Variants in PRRC2B observed in about 807,000 individuals in gnomAD.
PRRC2B encodes proline rich coiled-coil 2B.
Under a neutral mutation model 242.3 loss-of-function variants are expected in PRRC2B, and 68 were observed. The ratio of observed to expected loss-of-function variants is 0.28; its 90% CI spans 0.23 to 0.34. The LOEUF (loss-of-function observed/expected upper bound fraction) is 0.34, where lower values mean the gene tolerates loss of function less well. Ranked by LOEUF, PRRC2B falls within the 10% of genes least tolerant of loss-of-function variation. PRRC2B has a pLI of 1.00. For synonymous variants in PRRC2B, 1,228 were observed against 1,173.6 expected, an observed-to-expected ratio of 1.05 and a Z score of -0.95; for missense variants, 2,835 against 2,954.8, an observed-to-expected ratio of 0.96 and a Z score of 0.94.
chr9:131,430,581 GTGTGTGTGTGTGTGTA>G (rs1227181062), intron 2 of PRRC2B, among the ~76,000 whole-genome samples: 63 of 135,304 alleles, frequency 4.7e-4, no homozygotes, highest in African/African-American at 1.8e-3. Flanking sequence ...GTGTGTGTGT[GTGTGTGTGTGTGTGTA>G]TATATATGTT....
At chr9:131,402,403 T>G (rs1564274156) in intron 1 of PRRC2B, among the ~76,000 whole-genome samples, 1 of 152,240 alleles carries the variant, frequency 6.6e-6, no homozygotes, top group Non-Finnish European at 1.5e-5. Context: ...GGTTCATCCA[T>G]GTTGCAGCAT....
In PRRC2B at chr9:131,464,861, G is replaced by C; in HGVS notation, c.1503G>C (p.Glu501Asp). Residue 501 changes from glutamate (E) to aspartate (D), a missense_variant, in exon 12 of 32, where the codon GAG becomes GAC. Glu to Asp is a conservative substitution (Grantham distance 45). Transcript: ENST00000683519. ...AGTTCATTCAGTCAGAGATGTCCGA[G>C]GCGGTGGAGCGAGCCCGAAAGCGCC... ...RQKFIQSEMS[E>D]AVERARKRRE... 1 of 1,613,916 alleles carries C rather than the reference G, an allele frequency of 6.2e-7. No homozygotes were observed.
chr9:131,470,377 C>A (rs932300231), intron 13 of PRRC2B, among the ~76,000 whole-genome samples: 1 of 152,056 alleles, frequency 6.6e-6, no homozygotes, highest in Admixed American at 6.6e-5. Flanking sequence ...ATTGAAGAGG[C>A]CTGGAGGGAG....
At chr9:131,491,713 C>G in intron 29 of PRRC2B, 133 bp downstream of exon 29, 1 of 863,838 alleles carries the variant, frequency 1.2e-6, no homozygotes. Context: ...AGGAAGGTGA[C>G]CATGTGTGGG....
rs374605292 is a variant in PRRC2B, at chr9:131,482,832, G to A, written c.5298G>A (p.Pro1766=). Residue 1766 remains proline, a synonymous_variant, in exon 22 of 32, where the codon CCG becomes CCA. Coordinates refer to ENST00000683519, the MANE Select transcript of PRRC2B (RefSeq NM_013318.4). This position sits in a 1 kb window ranked among gnomAD's most constrained non-coding sequence, Gnocchi z 5.2. ...AGCGGCTGCAAGGGGCTGTCGTCCC[G>A]CCTGTTAACGGGGTGGAGATTCACG... The part of the protein sequence containing the change: ...GAERLQGAVV[P]PVNGVEIHVD... 81 of 1,608,352 alleles carry A rather than the reference G, an allele frequency of 5.0e-5. 1 individual carries two copies. Among genetic ancestry groups the A allele is most frequent in the Middle Eastern group, 3.3e-4 (2 of 6,072 alleles).
chr9:131,475,716 G>A lies in PRRC2B; in HGVS notation c.3587G>A (p.Arg1196Gln), dbSNP rs1402985465. The A allele has an allele frequency of 1.1e-5, 18 of 1,613,026 alleles. No individual in the cohort carries two copies. Among genetic ancestry groups the A allele is most frequent in the East Asian group, 6.7e-5 (3 of 44,872 alleles). Residue 1196 changes from arginine to glutamine, a missense_variant, in exon 16 of 32, where the codon CGA becomes CAA. Physicochemically the swap from Arg to Gln is conservative, Grantham distance 43. Coordinates refer to ENST00000683519, the MANE Select transcript of PRRC2B (RefSeq NM_013318.4). ...CACAGCGGTCTAGATGCCAAGAGCC[G>A]AGGCCCTCGGGCCTTTGGGCGAGCC... ...EDHSGLDAKSRGPRAFGRALP... is the reference protein window; with the variant it reads ...EDHSGLDAKSQGPRAFGRALP...
At chr9:131,400,658 C>T (rs570072623) in intron 1 of PRRC2B, among the ~76,000 whole-genome samples, 2 of 152,186 alleles carry the variant, frequency 1.3e-5, no homozygotes. Flanking sequence ...GTGATCCCTC[C>T]GCCTCCGCCT....
chr9:131,455,864 G>C (rs1051135372), intron 10 of PRRC2B, among the ~76,000 whole-genome samples: 3 of 152,080 alleles, frequency 2.0e-5, no homozygotes, highest in Non-Finnish European at 4.4e-5. Flanking sequence ...GTTAATTCCA[G>C]CACTTTGGGA....
chr9:131,478,353 C>T lies in PRRC2B; in HGVS notation c.4613-121C>T, dbSNP rs115945405. On this transcript the variant is annotated intron_variant, in intron 17 of 31. Transcript: ENST00000683519. ...GATCAGAGGCGGCCTGAGAAAAGTG[C>T]GGAAGTCCTGTCCAGGTTTCTGTCG... The T allele has an allele frequency of 2.2e-3, 2,115 of 969,630 alleles. 35 individuals carry two copies. In the African/African-American group the frequency reaches 0.031, roughly 14 times the overall value. The allele number at this position is 969,630 out of a possible 1,614,324, so 60.1% of individuals were successfully genotyped here. A position where few individuals can be genotyped will look rare whatever the true frequency, so the allele number is the denominator to read the frequency against.
In PRRC2B at chr9:131,477,937, C is replaced by T; in HGVS notation, c.4600C>T (p.Leu1534=). ...GGGAGAGGCCATGAAACAGTTTGAC[C>T]TGAACTATGGAAGTAAGTCATCCTC... ...EQGEAMKQFD[L]NYGSAIIENC... is the part of the protein sequence containing the mutation. The change falls in exon 17 of 32, where the codon CTG becomes TTG. Residue 1534 remains leucine, a synonymous_variant. Transcript: ENST00000683519. 1 of 1,613,844 alleles carries T rather than the reference C, an allele frequency of 6.2e-7. No homozygotes were observed. Among genetic ancestry groups the T allele is most frequent in the East Asian group, 2.2e-5 (1 of 44,882 alleles).
intron 1 of PRRC2B, among the ~76,000 whole-genome samples, chr9:131,403,241 C>G (rs544412041): frequency 6.6e-6 from 1 of 152,302 alleles, no homozygotes; most frequent in Non-Finnish European, 1.5e-5. Flanking sequence ...TTCAGAAGTC[C>G]TTGGGAAGAG....
intron 3 of PRRC2B, among the ~76,000 whole-genome samples, chr9:131,435,808 T>C (rs1838346383): frequency 6.6e-6 from 1 of 152,182 alleles, no homozygotes. Context: ...AAAAAAGTCA[T>C]AGAGCTTTAT....
At chr9:131,410,411 G>A (rs1837476040) in intron 1 of PRRC2B, among the ~76,000 whole-genome samples, 1 of 152,260 alleles carries the variant, frequency 6.6e-6, no homozygotes, top group Admixed American at 6.5e-5. Flanking sequence ...GGTCCCCAGG[G>A]GTGCTGGCAG....
At chr9:131,474,120 C>T (rs1237019749) in intron 15 of PRRC2B, among the ~76,000 whole-genome samples, 1 of 152,170 alleles carries the variant, frequency 6.6e-6, no homozygotes, top group African/African-American at 2.4e-5. Context: ...CTTGCTCTTG[C>T]TCTTTGACCC....
At chr9:131,463,752 T>C (rs1168378725) in intron 11 of PRRC2B, among the ~76,000 whole-genome samples, 1 of 149,700 alleles carries the variant, frequency 6.7e-6, no homozygotes, top group Non-Finnish European at 1.5e-5. Flanking sequence ...GCTCAGTAGC[T>C]GGGACCCATA....
At chr9:131,426,737 G>A (rs1360258828) in intron 1 of PRRC2B, among the ~76,000 whole-genome samples, 4 of 152,332 alleles carry the variant, frequency 2.6e-5, no homozygotes, top group African/African-American at 9.6e-5. Context: ...CTTGGGGGCA[G>A]TGAGTGCTTG....
At chr9:131,405,381 A>G (rs1470489823) in intron 1 of PRRC2B, among the ~76,000 whole-genome samples, 1 of 152,210 alleles carries the variant, frequency 6.6e-6, no homozygotes, top group Non-Finnish European at 1.5e-5. Context: ...CATAAAATTC[A>G]GAGACGGCCT....
intron 3 of PRRC2B, among the ~76,000 whole-genome samples, chr9:131,433,623 T>C (rs1211896353): frequency 1.3e-5 from 2 of 152,118 alleles, no homozygotes; most frequent in Non-Finnish European, 2.9e-5. Context: ...GCTGCTGGGG[T>C]TTGCCTGTTA....
chr9:131,467,243 C>T (rs954425196), intron 12 of PRRC2B, among the ~76,000 whole-genome samples: 2 of 152,178 alleles, frequency 1.3e-5, no homozygotes, highest in African/African-American at 4.8e-5. Context: ...CCTTATTAGT[C>T]CTTTTTAATA....
Sources: gnomAD v4.1 joint callset for allele counts (sites outside exome capture counted in the v4.1 genomes callset) on GRCh38, gnomAD v4.1.1 for gene constraint, Gnocchi (gnomAD v3.1) non-coding constraint, MANE v1.5 for transcripts, NCBI Gene and HGNC (gene_info 2026-07-23, HGNC 2026-07-21) for gene names.